Variants in TRAK1 observed in about 807,000 individuals in gnomAD.
TRAK1 encodes the protein trafficking kinesin protein 1.
TRAK1 carries 33 observed loss-of-function variants against 92.1 expected under a neutral mutation model. The ratio of observed to expected loss-of-function variants is 0.36; its 90% CI spans 0.27 to 0.48. The LOEUF is 0.48. Among genes scored for constraint, TRAK1 ranks in the 20% least tolerant of loss-of-function variants. TRAK1 has a pLI of 0.99. For synonymous variants in TRAK1, 521 were observed against 517.3 expected, an observed-to-expected ratio of 1.01 and a Z score of -0.10; for missense variants, 1,123 against 1,257.9, an observed-to-expected ratio of 0.89 and a Z score of 1.62.
At chr3:42,015,272 C>T (rs1701472845) in intron 1 of TRAK1, among the ~76,000 whole-genome samples, 2 of 152,302 alleles carry the variant, frequency 1.3e-5, no homozygotes, top group Admixed American at 1.3e-4. Flanking sequence ...GAAAGCTGAG[C>T]CCGGCTCTGG....
rs1473525083 is a variant in TRAK1 at position 42,202,202 on chromosome 3, C to T, written c.1428-234C>T. On this transcript the variant is annotated intron_variant, in intron 12 of 15. Transcript: ENST00000327628. This position sits in a 1 kb window ranked among gnomAD's most constrained non-coding sequence, Gnocchi z 6.1. Reference sequence around the variant, plus strand: ...TTTACTTAGTCTGTGTGCAGATATTCATCCCACCTTAGTCCTCACCCCACC... The same window carrying T: ...TTTACTTAGTCTGTGTGCAGATATTTATCCCACCTTAGTCCTCACCCCACC... Among the ~76,000 whole-genome samples the T allele has an allele frequency of 1.3e-5, 2 of 152,176 alleles. No homozygotes were observed. The highest frequency in any genetic ancestry group is 4.8e-5 in the African/African-American group (2 of 41,442).
intron 2 of TRAK1, chr3:42,160,304 G>C (rs1701107871): frequency 1.9e-6 from 3 of 1,598,114 alleles, no homozygotes. Flanking sequence ...AGGGGGTCGG[G>C]GGCACCCCCA....
Position 42,223,863 on chromosome 3 carries a change from AG to A in TRAK1, c.*127del, listed in dbSNP as rs1710595316. On this transcript the variant is annotated 3_prime_UTR_variant, in exon 16 of 16. Coordinates refer to ENST00000327628, the MANE Select transcript of TRAK1 (RefSeq NM_001042646.3). This position sits in a 1 kb window ranked among gnomAD's most constrained non-coding sequence, Gnocchi z 6.1. ...TTCTCTGTCCACCCCCTCCTAAGCT[AG>A]ACAAATCAACCTCGTGCCTAATGGA... is the stretch of plus-strand genomic sequence containing the variant. The A allele has an allele frequency of 8.8e-7, 1 of 1,136,694 alleles. No homozygotes were observed. The highest frequency in any genetic ancestry group is 1.2e-6 in the Non-Finnish European group (1 of 801,038). The allele number at this position is 1,136,694 out of a possible 1,614,324, so 70.4% of individuals were successfully genotyped here.
chr3:42,019,111 A>AAAAAAG (rs749792526), intron 1 of TRAK1, among the ~76,000 whole-genome samples: 119 of 152,268 alleles, frequency 7.8e-4, no homozygotes, highest in Non-Finnish European at 6.0e-4. Context: ...ACAGAGTATT[A>AAAAAAG]AAAAAGAAAA....
upstream of TRAK1, among the ~76,000 whole-genome samples, chr3:42,083,029 A>G (rs1329351433): frequency 1.3e-5 from 2 of 152,178 alleles, no homozygotes; most frequent in Admixed American, 6.5e-5. Context: ...TGTGCCATAC[A>G]TCTTTGACCT....
intron 1 of TRAK1, among the ~76,000 whole-genome samples, chr3:42,105,511 G>A (rs1707408451): frequency 6.6e-6 from 1 of 152,150 alleles, no homozygotes; most frequent in Non-Finnish European, 1.5e-5. Flanking sequence ...AAGAAATATG[G>A]GACTATGTGA....
intron 1 of TRAK1, among the ~76,000 whole-genome samples, chr3:42,041,172 G>A (rs1702526759): frequency 6.7e-6 from 1 of 150,336 alleles, no homozygotes; most frequent in South Asian, 2.1e-4. Context: ...ATTTTGGTAG[G>A]AGTTGCATTG....
intron 14 of TRAK1, among the ~76,000 whole-genome samples, chr3:42,213,509 C>G (rs1445331816): frequency 2.6e-5 from 4 of 152,206 alleles, no homozygotes; most frequent in African/African-American, 7.2e-5. Context: ...ATACATAGGC[C>G]CAAGGTCAGG....
At chr3:42,123,592 C>T (rs1157090806) in intron 1 of TRAK1, among the ~76,000 whole-genome samples, 2 of 152,252 alleles carry the variant, frequency 1.3e-5, no homozygotes, top group African/African-American at 2.4e-5. Flanking sequence ...AAGACTGGGC[C>T]TTTCTCCTTT....
chr3:42,172,577 T>C (rs1702704608), intron 2 of TRAK1, among the ~76,000 whole-genome samples: 1 of 152,138 alleles, frequency 6.6e-6, no homozygotes, highest in Non-Finnish European at 1.5e-5. Flanking sequence ...TAACCCCCCT[T>C]CAAAAACTCT....
intron 1 of TRAK1, among the ~76,000 whole-genome samples, chr3:42,020,670 G>C (rs1191775130): frequency 6.6e-6 from 1 of 152,158 alleles, no homozygotes; most frequent in African/African-American, 2.4e-5. Context: ...TGGGTCATAA[G>C]ACATATGTTC....
At chr3:42,164,820 A>T (rs78504025) in intron 2 of TRAK1, among the ~76,000 whole-genome samples, 1 of 152,156 alleles carries the variant, frequency 6.6e-6, no homozygotes, top group Non-Finnish European at 1.5e-5. Flanking sequence ...TCTCCTCACT[A>T]TGAGATTAAG....
At chr3:42,048,115 A>G (rs1702831856) in intron 1 of TRAK1, among the ~76,000 whole-genome samples, 2 of 152,132 alleles carry the variant, frequency 1.3e-5, no homozygotes, top group Non-Finnish European at 2.9e-5. Flanking sequence ...TCTCTAGGCA[A>G]CATAAAATTT....
chr3:42,071,401 T>TG (rs528514914), intron 1 of TRAK1, among the ~76,000 whole-genome samples: 53 of 152,232 alleles, frequency 3.5e-4, no homozygotes, highest in Middle Eastern at 3.4e-3. Flanking sequence ...CCCAGGTGCT[T>TG]GCCTTCCCAT....
At chr3:42,090,776 G>A (rs1408655073), upstream of TRAK1, among the ~76,000 whole-genome samples, 2 of 152,210 alleles carry the variant, frequency 1.3e-5, no homozygotes, top group African/African-American at 4.8e-5. Flanking sequence ...GTGGTGACTT[G>A]GGGGTTCTTT....
At chr3:42,093,837 G>C (rs1705504012) in intron 1 of TRAK1, among the ~76,000 whole-genome samples, 2 of 150,510 alleles carry the variant, frequency 1.3e-5, no homozygotes, top group Non-Finnish European at 3.0e-5. Context: ...TGAATAGCTG[G>C]GATTACAGGC....
rs546506097 is a variant in TRAK1, at chr3:42,207,204, A to G, written c.1745-2563A>G. On this transcript the variant is annotated intron_variant, in intron 13 of 15. Coordinates refer to ENST00000327628, the MANE Select transcript of TRAK1 (RefSeq NM_001042646.3). The stretch of plus-strand genomic sequence containing the variant: ...AACTGAACATGGCAGTACAGTGGCT[A>G]CTTTAAGACTTCTCGTGGTGCTATT... Among the ~76,000 whole-genome samples, 11 of 152,264 alleles carry G rather than the reference A, an allele frequency of 7.2e-5. No individual in the cohort carries two copies. In the South Asian group the frequency reaches 2.3e-3, roughly 32 times the overall value.
chr3:42,020,987 G>A (rs893050897), intron 1 of TRAK1, among the ~76,000 whole-genome samples: 4 of 152,154 alleles, frequency 2.6e-5, no homozygotes, highest in African/African-American at 9.7e-5. Context: ...AAAATTGGAG[G>A]TTTACTTAAA....
At chr3:42,088,973 G>A (rs997974354), upstream of TRAK1, among the ~76,000 whole-genome samples, 1 of 152,146 alleles carries the variant, frequency 6.6e-6, no homozygotes, top group African/African-American at 2.4e-5. Context: ...GGTGGTTTCT[G>A]TACTCAGCCT....
Sources: gnomAD v4.1 joint callset for allele counts (sites outside exome capture counted in the v4.1 genomes callset) on GRCh38, gnomAD v4.1.1 for gene constraint, Gnocchi (gnomAD v3.1) non-coding constraint, MANE v1.5 for transcripts, NCBI Gene and HGNC (gene_info 2026-07-23, HGNC 2026-07-21) for gene names.